PCDH11X: variants seen among roughly 807,000 people sequenced by gnomAD.
The protein encoded by PCDH11X is protocadherin-11 X-linked.
PCDH11X carries 18 observed loss-of-function variants against 53.3 expected under a neutral mutation model. The observed-to-expected ratio is 0.34, with a 90% CI of 0.23 to 0.50. PCDH11X has a LOEUF of 0.50. PCDH11X is among the 20% of genes least tolerant of loss of function. The pLI is 0.98. For synonymous variants in PCDH11X, 279 were observed against 393.3 expected, an observed-to-expected ratio of 0.71 and a Z score of 3.44; for missense variants, 570 against 1,032.4, an observed-to-expected ratio of 0.55 and a Z score of 6.14.
intron 10 of PCDH11X, among the ~76,000 whole-genome samples, chrX:92,613,011 G>A (rs1201553313): frequency 9.1e-6 from 1 of 109,423 alleles, no homozygotes; most frequent in Non-Finnish European, 1.9e-5. Context: ...ATGCATGTGT[G>A]TTGGGTCTGT....
intron 7 of PCDH11X, among the ~76,000 whole-genome samples, chrX:92,241,600 T>G (rs748822522): frequency 8.9e-6 from 1 of 111,889 alleles, no homozygotes; most frequent in Non-Finnish European, 1.9e-5. Context: ...TACTAAGAGC[T>G]AATCATTTGT....
chrX:92,267,804 G>T (rs1473398916), intron 8 of PCDH11X, among the ~76,000 whole-genome samples: 2 of 112,311 alleles, frequency 1.8e-5, no homozygotes, highest in African/African-American at 6.5e-5. Flanking sequence ...CCAATATCAA[G>T]GTACCAGCAT....
At chrX:92,202,204 A>G (rs1209329002) in intron 7 of PCDH11X, among the ~76,000 whole-genome samples, 1 of 111,489 alleles carries the variant, frequency 9.0e-6, no homozygotes, top group Non-Finnish European at 1.9e-5. Flanking sequence ...GCCTGCTAGC[A>G]CTTGAGAGGG....
intron 8 of PCDH11X, among the ~76,000 whole-genome samples, chrX:92,280,279 G>A (rs771301775): frequency 7.2e-4 from 80 of 111,440 alleles, no homozygotes; most frequent in East Asian, 2.0e-3. Flanking sequence ...AGCCAGGAGC[G>A]GTGGCTCACG....
chrX:92,011,705 T>C (rs2062694406), intron 6 of PCDH11X, among the ~76,000 whole-genome samples: 1 of 111,249 alleles, frequency 9.0e-6, no homozygotes, highest in Admixed American at 9.7e-5. Context: ...CCTTGCTCTA[T>C]AAGTCAAATT....
At chrX:92,293,546 C>T (rs1162877151) in intron 8 of PCDH11X, among the ~76,000 whole-genome samples, 2 of 106,513 alleles carry the variant, frequency 1.9e-5, no homozygotes, top group African/African-American at 7.1e-5. Flanking sequence ...ATGGAGTGAA[C>T]CAGGAGGCGG....
At chrX:92,505,743 T>C (rs1026394617) in intron 10 of PCDH11X, among the ~76,000 whole-genome samples, 3 of 111,197 alleles carry the variant, frequency 2.7e-5, no homozygotes, top group African/African-American at 9.8e-5. Context: ...CTGTGAAATA[T>C]GTCATTAGTT....
At chrX:92,547,522 T>A (rs980832822) in intron 10 of PCDH11X, among the ~76,000 whole-genome samples, 4 of 109,660 alleles carry the variant, frequency 3.6e-5, no homozygotes, top group African/African-American at 9.9e-5. Flanking sequence ...CCTTTCTCCC[T>A]CTCTCTCCCT....
intron 8 of PCDH11X, among the ~76,000 whole-genome samples, chrX:92,303,528 A>G (rs939722272): frequency 3.6e-5 from 4 of 111,264 alleles, no homozygotes; most frequent in African/African-American, 1.3e-4. Flanking sequence ...GACAGGAAGT[A>G]TGTCCATATA....
rs1471920636 is a variant in PCDH11X, at chrX:92,621,971, C to A, written c.*3031C>A. 1 of 103,186 alleles carries A rather than the reference C, an allele frequency of 9.7e-6. No individual in the cohort carries two copies. The highest frequency in any genetic ancestry group is 3.5e-5 in the African/African-American group (1 of 28,183). The allele number at this position is 103,186 out of a possible 1,213,427, so 8.5% of individuals were successfully genotyped here. ...TATATCACACTTGTGAGTATGTATT[C>A]AAATACTAAGTATCTTATATGCTAC... On this transcript the variant is annotated 3_prime_UTR_variant, in exon 11 of 11. Coordinates refer to ENST00000682573, the MANE Select transcript of PCDH11X (RefSeq NM_032968.5).
intron 6 of PCDH11X, among the ~76,000 whole-genome samples, chrX:92,191,491 T>G (rs768935788): frequency 8.9e-6 from 1 of 111,857 alleles, no homozygotes; most frequent in South Asian, 3.7e-4. Flanking sequence ...TGTAAGGGGT[T>G]TTAATATAAT....
intron 6 of PCDH11X, among the ~76,000 whole-genome samples, chrX:92,151,174 A>G (rs1308625339): frequency 2.8e-4 from 30 of 108,088 alleles, no homozygotes; most frequent in Admixed American, 1.7e-3. Context: ...TAGAATTTTT[A>G]TTTTTATTTT....
chrX:91,835,011 C>T (rs2563751), intron 4 of PCDH11X: 110,982 of 642,295 alleles, frequency 0.17, 12,318 homozygotes, highest in African/African-American at 0.45. Flanking sequence ...AAATGGACTA[C>T]TGTATAAATT....
At chrX:91,988,648 A>G (rs1245419023) in intron 6 of PCDH11X, among the ~76,000 whole-genome samples, 2 of 113,340 alleles carry the variant, frequency 1.8e-5, no homozygotes, top group African/African-American at 6.4e-5. Context: ...ATCAGAGATT[A>G]GGCAGCATTT....
intron 8 of PCDH11X, among the ~76,000 whole-genome samples, chrX:92,372,884 A>C (rs1373727133): frequency 9.1e-6 from 1 of 109,890 alleles, no homozygotes; most frequent in Non-Finnish European, 1.9e-5. Context: ...AGATTTGATT[A>C]TACAATTAAA....
Position 91,810,513 on chromosome X carries a change from T to C in PCDH11X, c.-169T>C, listed in dbSNP as rs1427772352. 3.6e-5 allele frequency: 4 copies of C among 112,039 alleles called. No individual in the cohort carries two copies. The highest frequency in any genetic ancestry group is 1.3e-4 in the African/African-American group (4 of 30,863). 9.2% of individuals were successfully genotyped at this position (112,039 alleles called of 1,213,427 possible). A position where few individuals can be genotyped will look rare whatever the true frequency, so the allele number is the denominator to read the frequency against. On this transcript the variant is annotated 5_prime_UTR_variant, in exon 3 of 11. Coordinates refer to ENST00000682573, the MANE Select transcript of PCDH11X (RefSeq NM_032968.5). ...AATAAGAAGGATTCCACAGATCACATACCGGAGAGGTTTTGCCTCAGCTGC... is the reference window on the plus strand; with the variant it reads ...AATAAGAAGGATTCCACAGATCACACACCGGAGAGGTTTTGCCTCAGCTGC...
chrX:92,386,429 G>A (rs754238005), intron 8 of PCDH11X, among the ~76,000 whole-genome samples: 1 of 109,627 alleles, frequency 9.1e-6, no homozygotes, highest in South Asian at 3.9e-4. Flanking sequence ...CAGTAGTTTA[G>A]TGCTTTGGTT....
intron 6 of PCDH11X, among the ~76,000 whole-genome samples, chrX:91,881,198 T>A (rs984897730): frequency 4.5e-5 from 5 of 110,429 alleles, no homozygotes; most frequent in African/African-American, 1.6e-4. Flanking sequence ...TTTTCAAATA[T>A]CCTCACTTTT....
intron 9 of PCDH11X, among the ~76,000 whole-genome samples, chrX:92,428,235 TCCATA>T (rs2072170052): frequency 9.0e-6 from 1 of 111,119 alleles, no homozygotes; most frequent in African/African-American, 3.3e-5. Flanking sequence ...TGCAACTGTG[TCCATA>T]ACAGGCTGAG....
Sources: allele counts gnomAD v4.1 joint callset (sites outside exome capture counted in the v4.1 genomes callset), GRCh38; gene constraint gnomAD v4.1.1; transcripts MANE v1.5; gene names NCBI Gene and HGNC (gene_info 2026-07-23, HGNC 2026-07-21).